Variants in EXOC2 observed in about 807,000 individuals in gnomAD.
EXOC2 encodes exocyst complex component 2.
EXOC2 carries 70 observed loss-of-function variants against 131.8 expected under a neutral mutation model. That is an observed-to-expected ratio of 0.53 (90% CI 0.44 to 0.65). The LOEUF (loss-of-function observed/expected upper bound fraction) is 0.65, where lower values mean the gene tolerates loss of function less well. Among genes scored for constraint, EXOC2 ranks in the 30% least tolerant of loss-of-function variants. The pLI, the probability that EXOC2 is intolerant of heterozygous loss-of-function variation, is 0.00. For synonymous variants in EXOC2, 411 were observed against 398.4 expected, an observed-to-expected ratio of 1.03 and a Z score of -0.38; for missense variants, 923 against 1,108.6, an observed-to-expected ratio of 0.83 and a Z score of 2.38.
intron 23 of EXOC2, chr6:525,482 G>A (rs1345592013): frequency 6.6e-6 from 1 of 152,174 alleles, no homozygotes; most frequent in Non-Finnish European, 1.5e-5. Context: ...AGGAAAAACT[G>A]TCAAATGACT....
chr6:629,380 A>G (rs138924336), intron 4 of EXOC2, among the ~76,000 whole-genome samples: 54 of 152,362 alleles, frequency 3.5e-4, no homozygotes, highest in Middle Eastern at 6.8e-3. Flanking sequence ...ACCTGGCAGA[A>G]TTCTGATGAT....
chr6:671,116 C>T (rs928427754), intron 1 of EXOC2, among the ~76,000 whole-genome samples: 3 of 150,488 alleles, frequency 2.0e-5, no homozygotes, highest in Non-Finnish European at 4.4e-5. Flanking sequence ...CAACACTTCG[C>T]GAGGCTAAGG....
intron 1 of EXOC2, among the ~76,000 whole-genome samples, chr6:653,335 A>G (rs1762916638): frequency 2.0e-5 from 3 of 152,260 alleles, no homozygotes; most frequent in Admixed American, 6.5e-5. Flanking sequence ...TTCTTGTGGC[A>G]AACAATTGGC....
chr6:662,787 C>T (rs923021229), intron 1 of EXOC2, among the ~76,000 whole-genome samples: 5 of 151,358 alleles, frequency 3.3e-5, no homozygotes, highest in Admixed American at 1.3e-4. Flanking sequence ...CCAAACCCAG[C>T]GGAAAAAAGG....
chr6:683,011 G>T (rs370294135), intron 1 of EXOC2, among the ~76,000 whole-genome samples: 1 of 152,198 alleles, frequency 6.6e-6, no homozygotes, highest in Non-Finnish European at 1.5e-5. Flanking sequence ...ACACCAGGGC[G>T]AGGAGTGAAA....
intron 8 of EXOC2, 41 bp downstream of exon 8, chr6:599,039 A>G (rs1759978406): frequency 6.4e-7 from 1 of 1,568,224 alleles, no homozygotes; most frequent in Admixed American, 1.9e-5. Context: ...AAAATGTATG[A>G]CATCTACAAC....
chr6:600,616 A>G (rs918308640), intron 7 of EXOC2, among the ~76,000 whole-genome samples: 2 of 152,052 alleles, frequency 1.3e-5, no homozygotes, highest in African/African-American at 4.8e-5. Context: ...TGGGGCAAAA[A>G]GTATGAATTC....
chr6:489,290 G>A (rs1429269597), intron 26 of EXOC2, among the ~76,000 whole-genome samples: 1 of 152,218 alleles, frequency 6.6e-6, no homozygotes, highest in Non-Finnish European at 1.5e-5. Context: ...AAAGCTAAAG[G>A]AAAAACATCT....
chr6:517,473 C>T (rs1224909880), intron 23 of EXOC2, among the ~76,000 whole-genome samples: 1 of 152,214 alleles, frequency 6.6e-6, no homozygotes, highest in Non-Finnish European at 1.5e-5. Flanking sequence ...CCAACTCATT[C>T]TGAAAACTGC....
chr6:680,460 G>A lies in EXOC2; in HGVS notation c.-44+12559C>T, dbSNP rs563955205. Among the ~76,000 whole-genome samples, 4 of 152,278 alleles carry A rather than the reference G, an allele frequency of 2.6e-5. No homozygotes were observed. In the South Asian group the frequency reaches 8.3e-4, roughly 32 times the overall value. On this transcript the variant is annotated intron_variant, in intron 1 of 27. Transcript: ENST00000230449. ...AGAATGAGATTGGAGAAGGGTGGAG[G>A]GGCCAGGGAAATTGTGCCTTTAAAT...
intron 23 of EXOC2, among the ~76,000 whole-genome samples, chr6:516,563 C>T (rs894181248): frequency 1.3e-5 from 2 of 152,322 alleles, no homozygotes; most frequent in Non-Finnish European, 1.5e-5. Flanking sequence ...CAATGCCCCA[C>T]GAAGTCTTCT....
intron 4 of EXOC2, among the ~76,000 whole-genome samples, chr6:620,060 T>C (rs1411401064): frequency 1.3e-5 from 2 of 152,266 alleles, no homozygotes; most frequent in Non-Finnish European, 2.9e-5. Flanking sequence ...TTTGCGTCCA[T>C]GTCTAGAATG....
chr6:674,761 G>A (rs767737118), intron 1 of EXOC2, among the ~76,000 whole-genome samples: 4 of 151,956 alleles, frequency 2.6e-5, no homozygotes, highest in South Asian at 2.1e-4. Flanking sequence ...GCTTTATGAT[G>A]CTTTGACATT....
At chr6:636,540 T>C (rs542198596) in intron 2 of EXOC2, among the ~76,000 whole-genome samples, 1 of 152,318 alleles carries the variant, frequency 6.6e-6, no homozygotes, top group South Asian at 2.1e-4. Context: ...GAGCTCCCGT[T>C]CACTTTTTCT....
intron 10 of EXOC2, among the ~76,000 whole-genome samples, chr6:597,054 A>G (rs1205793600): frequency 6.6e-6 from 1 of 152,234 alleles, no homozygotes; most frequent in Admixed American, 6.5e-5. Flanking sequence ...TCAGATGAAG[A>G]AACCGAAAAA....
intron 1 of EXOC2, among the ~76,000 whole-genome samples, chr6:689,452 TGCACTCACTTACCA>T (rs1390722110): frequency 1.3e-5 from 2 of 152,200 alleles, no homozygotes; most frequent in African/African-American, 4.8e-5. Context: ...TAATCCAAAA[TGCACTCACTTACCA>T]GCCCCTGGGC....
At chr6:590,202 G>T (rs1759464278) in intron 11 of EXOC2, among the ~76,000 whole-genome samples, 1 of 152,032 alleles carries the variant, frequency 6.6e-6, no homozygotes, top group African/African-American at 2.4e-5. Flanking sequence ...AAAATTATTG[G>T]TTGAATCAAC....
At chr6:574,196 T>TA (rs1445819706) in intron 12 of EXOC2, among the ~76,000 whole-genome samples, 3 of 152,224 alleles carry the variant, frequency 2.0e-5, no homozygotes, top group Admixed American at 1.3e-4. Flanking sequence ...ACTGTATACC[T>TA]ATATCATTTA....
chr6:564,227 G>A (rs983491433), intron 15 of EXOC2, 73 bp from the exon 16 acceptor site: 36 of 1,561,380 alleles, frequency 2.3e-5, no homozygotes, highest in East Asian at 4.5e-5. Context: ...CTCTTTCACT[G>A]TATAATCATT....
Sources: gnomAD v4.1 joint callset for allele counts (sites outside exome capture counted in the v4.1 genomes callset) on GRCh38, gnomAD v4.1.1 for gene constraint, MANE v1.5 for transcripts, NCBI Gene and HGNC (gene_info 2026-07-23, HGNC 2026-07-21) for gene names.